Variants in TSHZ2 observed in about 807,000 individuals in gnomAD.
TSHZ2 encodes teashirt homolog 2.
A neutral mutation model predicts 74.4 loss-of-function variants in TSHZ2; 21 were observed. That is an observed-to-expected ratio of 0.28 (90% CI 0.20 to 0.41). TSHZ2 has a LOEUF of 0.41. Among genes scored for constraint, TSHZ2 ranks in the 10% least tolerant of loss-of-function variants. The pLI is 1.00. For synonymous variants in TSHZ2, 540 were observed against 515.3 expected (o/e 1.05, Z -0.65); for missense variants, 1,244 against 1,293.5 (o/e 0.96, Z 0.59).
At chr20:53,228,019 GT>G (rs3971383) in intron 1 of TSHZ2, among the ~76,000 whole-genome samples, 14,388 of 101,350 alleles carry the variant, frequency 0.14, 755 homozygotes, top group East Asian at 0.28. Context: ...TTCAAATGGT[GT>G]TTTTTTTTTT....
At chr20:53,027,142 A>G (rs1000034347) in intron 1 of TSHZ2, among the ~76,000 whole-genome samples, 5 of 152,178 alleles carry the variant, frequency 3.3e-5, no homozygotes, top group African/African-American at 1.2e-4. Flanking sequence ...GAATATTTGA[A>G]TACATCTATG....
chr20:53,208,189 A>C (rs1005843975), intron 1 of TSHZ2, among the ~76,000 whole-genome samples: 1 of 152,214 alleles, frequency 6.6e-6, no homozygotes, highest in Non-Finnish European at 1.5e-5. Flanking sequence ...AGCCTCTAGC[A>C]TAAGTAATAA....
At chr20:53,345,510 C>T (rs1980402755) in intron 2 of TSHZ2, among the ~76,000 whole-genome samples, 1 of 152,080 alleles carries the variant, frequency 6.6e-6, no homozygotes, top group Non-Finnish European at 1.5e-5. Flanking sequence ...AAAACTCCTA[C>T]TATCATAAGC....
intron 1 of TSHZ2, among the ~76,000 whole-genome samples, chr20:53,247,466 T>C (rs1990234226): frequency 6.6e-6 from 1 of 152,160 alleles, no homozygotes; most frequent in Non-Finnish European, 1.5e-5. Flanking sequence ...TGAGAATAGC[T>C]CAGCTTCCTT....
In TSHZ2 at chr20:53,253,786, A is replaced by G. The variant is rs139381419; in HGVS notation, c.328A>G (p.Thr110Ala). 593 of 1,614,118 alleles carry G rather than the reference A, an allele frequency of 3.7e-4. 3 individuals are homozygous for G. The African/African-American group carries it at 6.9e-3, about 19-fold the overall frequency. ...GRDASDKKAH[T>A]HVRLPNEAHN... is the part of the protein sequence containing the mutation. The stretch of plus-strand genomic sequence containing the variant: ...AGATGCCTCAGACAAGAAAGCACAC[A>G]CTCACGTCAGGCTTCCAAACGAAGC... The change falls in exon 2 of 3, where the codon ACT becomes GCT. Residue 110 changes from threonine to alanine, a missense_variant. Thr to Ala is a moderately conservative substitution (Grantham distance 58). This residue lies in a region of TSHZ2 where 470 missense variants were observed against 456.5 expected (regional missense o/e 1.03). Transcript: ENST00000371497.
chr20:53,078,395 T>C (rs924442647), intron 1 of TSHZ2, among the ~76,000 whole-genome samples: 1 of 152,220 alleles, frequency 6.6e-6, no homozygotes, highest in Non-Finnish European at 1.5e-5. Flanking sequence ...AACTACAGTA[T>C]GCCTGACACC....
chr20:53,213,151 ACAAT>A (rs545763154), intron 1 of TSHZ2, among the ~76,000 whole-genome samples: 57 of 152,320 alleles, frequency 3.7e-4, no homozygotes, highest in African/African-American at 1.2e-3. Context: ...TGTCTTACAA[ACAAT>A]CAAAACACCG....
At chr20:53,204,283 C>CATT (rs1989097674) in intron 1 of TSHZ2, among the ~76,000 whole-genome samples, 1 of 56,728 alleles carries the variant, frequency 1.8e-5, no homozygotes, top group Non-Finnish European at 4.5e-5. Flanking sequence ...CATCATATAA[C>CATT]ATGATGATAT....
At chr20:53,044,036 G>A (rs184503312) in intron 1 of TSHZ2, among the ~76,000 whole-genome samples, 48 of 152,242 alleles carry the variant, frequency 3.2e-4, no homozygotes, top group African/African-American at 1.1e-3. Flanking sequence ...TTTGTCCTCC[G>A]AACAGAAATA....
intron 1 of TSHZ2, among the ~76,000 whole-genome samples, chr20:53,236,912 A>G (rs1989952708): frequency 6.6e-6 from 1 of 152,190 alleles, no homozygotes; most frequent in African/African-American, 2.4e-5. Context: ...AACTGCCCCC[A>G]TAATCTAATC....
rs557020149 is a variant in TSHZ2 at position 53,165,484 on chromosome 20, T to C, written c.41-88015T>C. On this transcript the variant is annotated intron_variant, in intron 1 of 2. Coordinates refer to ENST00000371497, the MANE Select transcript of TSHZ2 (RefSeq NM_173485.6). ...TTGAAAATTTTCTCCTGCAGGTAGCTACAGATGCTAGGGAGAAAATGCTCA... is the reference window on the plus strand; with the variant it reads ...TTGAAAATTTTCTCCTGCAGGTAGCCACAGATGCTAGGGAGAAAATGCTCA... 1.1e-4 allele frequency among the ~76,000 whole-genome samples: 16 copies of C among 152,348 alleles called. 2 individuals carry two copies. Among genetic ancestry groups the C allele is most frequent in the African/African-American group, 3.8e-4 (16 of 41,582 alleles).
At chr20:53,280,744 G>GTACA (rs1991043145) in intron 2 of TSHZ2, among the ~76,000 whole-genome samples, 1 of 151,992 alleles carries the variant, frequency 6.6e-6, no homozygotes, top group Non-Finnish European at 1.5e-5. Context: ...CCAGGCTGGA[G>GTACA]TACAGTGGCG....
chr20:53,404,024 A>ATGT (rs1326699876), intron 2 of TSHZ2, among the ~76,000 whole-genome samples: 3 of 152,230 alleles, frequency 2.0e-5, no homozygotes, highest in Non-Finnish European at 4.4e-5. Flanking sequence ...TTATGCTAAG[A>ATGT]TGTTGAGAGA....
chr20:53,413,953 G>A (rs6126833), intron 2 of TSHZ2, among the ~76,000 whole-genome samples: 14,313 of 151,626 alleles, frequency 0.094, 1,056 homozygotes, highest in South Asian at 0.29. Context: ...ACCAGCCTGG[G>A]CAACATGGCA....
intron 1 of TSHZ2, among the ~76,000 whole-genome samples, chr20:53,113,795 A>G (rs901038455): frequency 6.6e-6 from 1 of 152,170 alleles, no homozygotes; most frequent in Admixed American, 6.5e-5. Flanking sequence ...TCACAAATTA[A>G]TAAGTATTAG....
intron 2 of TSHZ2, chr20:53,398,887 A>G (rs1982553565): frequency 6.6e-6 from 1 of 152,234 alleles, no homozygotes; most frequent in Non-Finnish European, 1.5e-5. Context: ...TATGCATGCA[A>G]TGCATACACT....
intron 1 of TSHZ2, among the ~76,000 whole-genome samples, chr20:53,133,850 C>G (rs1210459039): frequency 6.6e-6 from 1 of 151,352 alleles, no homozygotes; most frequent in East Asian, 1.9e-4. Context: ...ACCAAAAGGT[C>G]TGTTTTGCCT....
intron 1 of TSHZ2, among the ~76,000 whole-genome samples, chr20:53,123,350 A>G (rs1411221710): frequency 6.6e-6 from 1 of 152,144 alleles, no homozygotes; most frequent in African/African-American, 2.4e-5. Context: ...GTCCTCTTCA[A>G]TAAACGTATG....
chr20:53,280,693 G>GT (rs200754964), intron 2 of TSHZ2, among the ~76,000 whole-genome samples: 96 of 146,522 alleles, frequency 6.6e-4, no homozygotes, highest in Non-Finnish European at 1.2e-3. Context: ...GTGTGTGGGG[G>GT]TTTTTTTGTG....
Sources: allele counts gnomAD v4.1 joint callset (sites outside exome capture counted in the v4.1 genomes callset), GRCh38; gene constraint gnomAD v4.1.1; regional missense constraint gnomAD v4.1.1; transcripts MANE v1.5; gene names NCBI Gene and HGNC (gene_info 2026-07-23, HGNC 2026-07-21).